LDB2: variants seen among roughly 807,000 people sequenced by gnomAD.
LDB2 encodes the protein LIM domain-binding protein 2.
LDB2 carries 12 observed loss-of-function variants against 44.3 expected under a neutral mutation model. The ratio of observed to expected loss-of-function variants is 0.27; its 90% CI spans 0.17 to 0.44. LDB2 has a LOEUF of 0.44. Among genes scored for constraint, LDB2 ranks in the 20% least tolerant of loss-of-function variants. The probability of loss-of-function intolerance (pLI) is 1.00; values close to 1 mark genes in which losing one functional copy is unlikely to be tolerated. For missense variants in LDB2, 344 were observed against 473.5 expected, an observed-to-expected ratio of 0.73 and a Z score of 2.54; for synonymous variants, 164 against 174.8, an observed-to-expected ratio of 0.94 and a Z score of 0.49.
intron 2 of LDB2, among the ~76,000 whole-genome samples, chr4:16,678,149 C>G (rs1330607358): frequency 6.6e-6 from 1 of 152,104 alleles, no homozygotes; most frequent in Non-Finnish European, 1.5e-5. Flanking sequence ...ACTGGCCAAC[C>G]CTAAAAAGGA....
At chr4:16,793,699 TC>T (rs1431903334) in intron 1 of LDB2, among the ~76,000 whole-genome samples, 1 of 152,168 alleles carries the variant, frequency 6.6e-6, no homozygotes. Context: ...TTGTAACCTC[TC>T]CCTGCAGTCT....
chr4:16,724,085 A>G (rs371008276), intron 2 of LDB2, among the ~76,000 whole-genome samples: 11 of 152,288 alleles, frequency 7.2e-5, no homozygotes, highest in African/African-American at 2.6e-4. Flanking sequence ...AAATGAATGA[A>G]TAAAGGAAAA....
At chr4:16,754,733 T>C (rs965945838) in intron 2 of LDB2, among the ~76,000 whole-genome samples, 1 of 152,112 alleles carries the variant, frequency 6.6e-6, no homozygotes, top group Non-Finnish European at 1.5e-5. Flanking sequence ...GGTTTCACCA[T>C]ATTGGTCAGG....
intron 1 of LDB2, among the ~76,000 whole-genome samples, chr4:16,870,627 CTTTA>C (rs113417723): frequency 7.3e-5 from 11 of 150,700 alleles, no homozygotes; most frequent in East Asian, 2.0e-4. Context: ...CTTGCATTCT[CTTTA>C]TTTATTTATT....
intron 2 of LDB2, among the ~76,000 whole-genome samples, chr4:16,686,589 G>C (rs1277249077): frequency 9.2e-5 from 14 of 152,202 alleles, no homozygotes. Context: ...AAAAATCAGA[G>C]ACTGCTTCTT....
At chr4:16,744,155 G>A (rs1309517992) in intron 2 of LDB2, among the ~76,000 whole-genome samples, 1 of 149,094 alleles carries the variant, frequency 6.7e-6, no homozygotes, top group Non-Finnish European at 1.5e-5. Context: ...TGGTTTGTTT[G>A]TTTGTTTGTT....
At chr4:16,749,394 C>G (rs902072793) in intron 2 of LDB2, among the ~76,000 whole-genome samples, 1 of 151,138 alleles carries the variant, frequency 6.6e-6, no homozygotes, top group Non-Finnish European at 1.5e-5. Flanking sequence ...CTCGTCTCTA[C>G]TAAAAATACA....
At chr4:16,831,209 T>C (rs1440490675) in intron 1 of LDB2, among the ~76,000 whole-genome samples, 2 of 128,616 alleles carry the variant, frequency 1.6e-5, no homozygotes, top group African/African-American at 5.9e-5. Flanking sequence ...TAAGTGCAAA[T>C]ATCATAAGGG....
Position 16,542,106 on chromosome 4 carries a change from G to GA in LDB2, c.616-30003_616-30002insT, listed in dbSNP as rs201942796. Among the ~76,000 whole-genome samples the GA allele has an allele frequency of 2.7e-5, 4 of 147,462 alleles. 1 individual carries two copies. Among genetic ancestry groups the GA allele is most frequent in the African/African-American group, 7.6e-5 (3 of 39,438 alleles). ...CTTCCAATTACATCAGGTGGTGGGG[G>GA]GGGGGGCGCGAGCAGGAGGGCATAA... On this transcript the variant is annotated intron_variant, in intron 5 of 7. Transcript: ENST00000304523.
At chr4:16,512,136 C>CTACT in intron 5 of LDB2, 32 bp from the exon 6 acceptor site, 1 of 1,566,522 alleles carries the variant, frequency 6.4e-7, no homozygotes, top group Non-Finnish European at 8.7e-7. Context: ...TGGCATTTCA[C>CTACT]TACTTCATAA....
intron 1 of LDB2, among the ~76,000 whole-genome samples, chr4:16,804,929 T>A (rs1778498955): frequency 6.6e-6 from 1 of 152,112 alleles, no homozygotes; most frequent in African/African-American, 2.4e-5. Context: ...ATGCTGGAAA[T>A]CCAAAATTGG....
intron 1 of LDB2, among the ~76,000 whole-genome samples, chr4:16,782,489 T>C (rs1318994289): frequency 2.0e-5 from 3 of 152,088 alleles, no homozygotes; most frequent in African/African-American, 7.2e-5. Flanking sequence ...TAGCTGGTAT[T>C]ACAGGTGTGT....
chr4:16,840,614 AGGT>A (rs1785710042), intron 1 of LDB2, among the ~76,000 whole-genome samples: 1 of 152,200 alleles, frequency 6.6e-6, no homozygotes, highest in Non-Finnish European at 1.5e-5. Context: ...GTGAACTCTA[AGGT>A]CCAATAGACT....
At chr4:16,749,367 C>T (rs1330699606) in intron 2 of LDB2, among the ~76,000 whole-genome samples, 3 of 151,184 alleles carry the variant, frequency 2.0e-5, no homozygotes, top group Admixed American at 1.3e-4. Flanking sequence ...AGACCAGTCT[C>T]GCCAATGTGG....
chr4:16,642,721 T>G (rs899331040), intron 2 of LDB2, among the ~76,000 whole-genome samples: 4 of 152,108 alleles, frequency 2.6e-5, no homozygotes, highest in Non-Finnish European at 5.9e-5. Context: ...CTTAAGGATA[T>G]GTTTAATTAT....
At chr4:16,802,980 G>A (rs1778134464) in intron 1 of LDB2, among the ~76,000 whole-genome samples, 1 of 152,176 alleles carries the variant, frequency 6.6e-6, no homozygotes, top group East Asian at 1.9e-4. Context: ...ACTGGAGCCA[G>A]AGACCCCTCG....
intron 2 of LDB2, among the ~76,000 whole-genome samples, chr4:16,727,434 G>C (rs923171957): frequency 5.9e-5 from 9 of 152,204 alleles, no homozygotes; most frequent in African/African-American, 1.9e-4. Flanking sequence ...GGGAAGACTC[G>C]AGCATGGGGA....
intron 1 of LDB2, among the ~76,000 whole-genome samples, chr4:16,889,062 GTC>G (rs200868279): frequency 4.5e-4 from 65 of 145,706 alleles, no homozygotes; most frequent in African/African-American, 4.2e-4. Flanking sequence ...TAGGACAAAT[GTC>G]TCTCTCTCTC....
intron 2 of LDB2, among the ~76,000 whole-genome samples, chr4:16,636,821 A>G (rs80069327): frequency 3.5e-4 from 54 of 152,340 alleles, no homozygotes; most frequent in African/African-American, 1.3e-3. Context: ...CTGGGTGTCA[A>G]AGCAGTTCAA....
Sources: gnomAD v4.1 joint callset for allele counts (sites outside exome capture counted in the v4.1 genomes callset) on GRCh38, gnomAD v4.1.1 for gene constraint, MANE v1.5 for transcripts, NCBI Gene and HGNC (gene_info 2026-07-23, HGNC 2026-07-21) for gene names.